Variants in BRIP1 observed in about 807,000 individuals in gnomAD.
The protein encoded by BRIP1 is BRCA1 interacting DNA helicase 1.
Under a neutral mutation model 119.7 loss-of-function variants are expected in BRIP1, and 88 were observed. The observed-to-expected ratio is 0.74, with a 90% confidence interval of 0.62 to 0.88. BRIP1 has a LOEUF of 0.88. Among genes scored for constraint, BRIP1 ranks in the 40% least tolerant of loss-of-function variants. The probability of loss-of-function intolerance (pLI) is 0.00; values close to 1 mark genes in which losing one functional copy is unlikely to be tolerated. For missense variants in BRIP1, 1,259 were observed against 1,455.4 expected (o/e 0.87, Z 2.20); for synonymous variants, 443 against 496.5 (o/e 0.89, Z 1.43).
In BRIP1 at chr17:61,775,255, C is replaced by T. The variant is rs1024408833; in HGVS notation, c.2097+1146G>A. ...AAGAATTTTAAAAAATGTTTATGTC[C>T]GTTTTATTTTTAGATATTCTTGTAA... On this transcript the variant is annotated intron_variant, in intron 14 of 19. Transcript: ENST00000259008. The surrounding 1 kb of genome is among the most constrained non-coding windows in gnomAD (Gnocchi z 4.4). 7.2e-5 allele frequency among the ~76,000 whole-genome samples: 11 copies of T among 151,928 alleles called. No individual in the cohort carries two copies. Among genetic ancestry groups the T allele is most frequent in the African/African-American group, 7.3e-5 (3 of 41,360 alleles).
chr17:61,722,020 C>T lies in BRIP1; in HGVS notation c.2380-5957G>A, dbSNP rs530283372. The stretch of plus-strand genomic sequence containing the variant: ...CTGGGATTACAGGTGTGAGCCACCA[C>T]GCCTAGCCAACTTTGCTTTTTTTTT... On this transcript the variant is annotated intron_variant, in intron 16 of 19. Transcript: ENST00000259008. The surrounding 1 kb of genome is among the most constrained non-coding windows in gnomAD (Gnocchi z 4.6). 6.8e-5 allele frequency among the ~76,000 whole-genome samples: 10 copies of T among 147,776 alleles called. No individual in the cohort carries two copies. The highest frequency in any genetic ancestry group is 4.4e-4 in the South Asian group (2 of 4,580).
At chr17:61,792,607 G>T (rs957246260) in intron 10 of BRIP1, among the ~76,000 whole-genome samples, 1 of 152,168 alleles carries the variant, frequency 6.6e-6, no homozygotes, top group Non-Finnish European at 1.5e-5. Flanking sequence ...TGGCATTCCA[G>T]AAAAGGCAAA....
At chr17:61,830,078 G>A (rs1222921040) in intron 6 of BRIP1, among the ~76,000 whole-genome samples, 2 of 151,746 alleles carry the variant, frequency 1.3e-5, no homozygotes, top group East Asian at 1.9e-4. Flanking sequence ...GATTACAGGC[G>A]CCCACCACCA....
rs997139521 is a variant in BRIP1, at chr17:61,704,856, CT to C, written c.2492+11094del. Among the ~76,000 whole-genome samples, 1 of 151,592 alleles carries C rather than the reference CT, an allele frequency of 6.6e-6. No individual in the cohort carries two copies. Among genetic ancestry groups the C allele is most frequent in the Non-Finnish European group, 1.5e-5 (1 of 67,892 alleles). ...CCTGATATTAGTAACTGTGGCTTCT[CT>C]TTTTTTTCTTTGTTAATTTTGCTAG... On this transcript the variant is annotated intron_variant, in intron 17 of 19. Transcript: ENST00000259008. The surrounding 1 kb of genome is among the most constrained non-coding windows in gnomAD (Gnocchi z 5.7).
chr17:61,728,937 G>C (rs1243591133), intron 16 of BRIP1, among the ~76,000 whole-genome samples: 1 of 152,116 alleles, frequency 6.6e-6, no homozygotes, highest in Non-Finnish European at 1.5e-5. Flanking sequence ...TTTAGATAAA[G>C]ATCTTTTAAA....
At chr17:61,785,928 T>TGG (rs34801622) in intron 10 of BRIP1, among the ~76,000 whole-genome samples, 51 of 151,262 alleles carry the variant, frequency 3.4e-4, no homozygotes, top group South Asian at 1.1e-3. Context: ...GCAGCTGGGT[T>TGG]GGGGGGGGTA....
rs142419826 is a variant in BRIP1, at chr17:61,761,724, C to T, written c.2097+14677G>A. ...TAACCAAGGTGAAGAAAGGCTTGTACGCTGAAATCTATAAAATGTTGATGA... is the reference window on the plus strand; with the variant it reads ...TAACCAAGGTGAAGAAAGGCTTGTATGCTGAAATCTATAAAATGTTGATGA... On this transcript the variant is annotated intron_variant, in intron 14 of 19. Transcript: ENST00000259008. The surrounding 1 kb of genome is among the most constrained non-coding windows in gnomAD (Gnocchi z 6.4). Among the ~76,000 whole-genome samples the T allele has an allele frequency of 3.1e-3, 478 of 151,860 alleles. 5 individuals are homozygous for T. Among genetic ancestry groups the T allele is most frequent in the Non-Finnish European group, 4.4e-3 (298 of 67,898 alleles).
Position 61,752,816 on chromosome 17 carries a change from A to C in BRIP1, c.2098-8225T>G, listed in dbSNP as rs1196401332. Among the ~76,000 whole-genome samples the C allele has an allele frequency of 6.6e-6, 1 of 152,228 alleles. No homozygotes were observed. The highest frequency in any genetic ancestry group is 1.5e-5 in the Non-Finnish European group (1 of 68,036). On this transcript the variant is annotated intron_variant, in intron 14 of 19. Transcript: ENST00000259008. This position sits in a 1 kb window ranked among gnomAD's most constrained non-coding sequence, Gnocchi z 6.2. ...ACAGATTATAAAAATACTTAAAATT[A>C]AAATGAGTAAGATATGGTGTTGGAT... is the stretch of plus-strand genomic sequence containing the variant.
At position 61,861,702 on chromosome 17, in the gene BRIP1, A is replaced by T; in HGVS notation, c.-30-133T>A. 1.5e-6 allele frequency: 1 copy of T among 656,852 alleles called. No homozygotes were observed. Among genetic ancestry groups the T allele is most frequent in the Non-Finnish European group, 2.7e-6 (1 of 369,424 alleles). 40.7% of individuals were successfully genotyped at this position (656,852 alleles called of 1,614,324 possible). On this transcript the variant is annotated intron_variant, in intron 1 of 19. Coordinates refer to ENST00000259008, the MANE Select transcript of BRIP1 (RefSeq NM_032043.3). This position sits in a 1 kb window ranked among gnomAD's most constrained non-coding sequence, Gnocchi z 4.5. ...TATAAACAAAACAAATGGAAACAAA[A>T]TAATTTCCTAGTCTTATAAATCACA... is the stretch of plus-strand genomic sequence containing the variant.
rs73328555 is a variant in BRIP1 at position 61,740,186 on chromosome 17, A to G, written c.2379+2827T>C. 0.01 allele frequency among the ~76,000 whole-genome samples: 1,526 copies of G among 152,216 alleles called. 31 individuals are homozygous for G. The highest frequency in any genetic ancestry group is 0.035 in the African/African-American group (1,454 of 41,520). Reference sequence around the variant, plus strand: ...TGGTCCTGTTGAGCTGAGGTGGAAGAGATCAGAATATGGAGTGACTAAATC... The same window carrying G: ...TGGTCCTGTTGAGCTGAGGTGGAAGGGATCAGAATATGGAGTGACTAAATC... On this transcript the variant is annotated intron_variant, in intron 16 of 19. Coordinates refer to ENST00000259008, the MANE Select transcript of BRIP1 (RefSeq NM_032043.3). The surrounding 1 kb of genome is among the most constrained non-coding windows in gnomAD (Gnocchi z 5.4).
In BRIP1 at chr17:61,816,878, C is replaced by T. The variant is rs1052208613; in HGVS notation, c.628-8121G>A. On this transcript the variant is annotated intron_variant, in intron 6 of 19. Coordinates refer to ENST00000259008, the MANE Select transcript of BRIP1 (RefSeq NM_032043.3). This position sits in a 1 kb window ranked among gnomAD's most constrained non-coding sequence, Gnocchi z 5.0. Reference sequence around the variant, plus strand: ...TAAAATGATAGAATTTTAAAAATCACCATTTTGCAACTTTCCTGTACTAAC... The same window carrying T: ...TAAAATGATAGAATTTTAAAAATCATCATTTTGCAACTTTCCTGTACTAAC... 1.3e-5 allele frequency among the ~76,000 whole-genome samples: 2 copies of T among 152,176 alleles called. No individual in the cohort carries two copies. The highest frequency in any genetic ancestry group is 4.8e-5 in the African/African-American group (2 of 41,446).
At chr17:61,715,507 G>C (rs1183947440) in intron 17 of BRIP1, among the ~76,000 whole-genome samples, 1 of 152,078 alleles carries the variant, frequency 6.6e-6, no homozygotes, top group African/African-American at 2.4e-5. Context: ...ATTCCGTACT[G>C]AAAGTACACT....
At chr17:61,858,186 A>T (rs2078924521) in intron 3 of BRIP1, among the ~76,000 whole-genome samples, 1 of 152,116 alleles carries the variant, frequency 6.6e-6, no homozygotes, top group East Asian at 1.9e-4. Flanking sequence ...CAAAAAAGCT[A>T]AATAATTTAT....
In BRIP1 at chr17:61,720,686, T is replaced by G. The variant is rs2144456595; in HGVS notation, c.2380-4623A>C. 6.6e-6 allele frequency among the ~76,000 whole-genome samples: 1 copy of G among 152,326 alleles called. No homozygotes were observed. The highest frequency in any genetic ancestry group is 2.4e-5 in the African/African-American group (1 of 41,574). On this transcript the variant is annotated intron_variant, in intron 16 of 19. Coordinates refer to ENST00000259008, the MANE Select transcript of BRIP1 (RefSeq NM_032043.3). This position sits in a 1 kb window ranked among gnomAD's most constrained non-coding sequence, Gnocchi z 4.3. Reference sequence around the variant, plus strand: ...TGCTGTACATACTACCCACCAGCAGTTAGTAGTTACTTAGTAGCTGTCTAG... The same window carrying G: ...TGCTGTACATACTACCCACCAGCAGGTAGTAGTTACTTAGTAGCTGTCTAG...
rs1259768104 is a variant in BRIP1 at position 61,744,241 on chromosome 17, T to C, written c.2257+191A>G. ...TTTTCTTAAAGTTGAATCAGCATAC[T>C]CAAGTGAAAATATTCATAGGAGAAC... On this transcript the variant is annotated intron_variant, in intron 15 of 19. Transcript: ENST00000259008. The surrounding 1 kb of genome is among the most constrained non-coding windows in gnomAD (Gnocchi z 5.0). Among the ~76,000 whole-genome samples, 1 of 152,156 alleles carries C rather than the reference T, an allele frequency of 6.6e-6. No individual in the cohort carries two copies. The highest frequency in any genetic ancestry group is 2.4e-5 in the African/African-American group (1 of 41,438).
rs1038131694 is a variant in BRIP1, at chr17:61,861,893, TATGATAAAGTACATACCAGATTAAAC to T, written c.-30-350_-30-325del. The T allele has an allele frequency of 2.8e-5, 10 of 363,630 alleles. No individual in the cohort carries two copies. The Admixed American group carries it at 2.9e-4, about 10-fold the overall frequency. 22.5% of individuals were successfully genotyped at this position (363,630 alleles called of 1,614,324 possible). A position where few individuals can be genotyped will look rare whatever the true frequency, so the allele number is the denominator to read the frequency against. On this transcript the variant is annotated intron_variant, in intron 1 of 19. Transcript: ENST00000259008. This position sits in a 1 kb window ranked among gnomAD's most constrained non-coding sequence, Gnocchi z 4.5. ...ATGATTAAGTGAAATAATGTGCAAA[TATGATAAAGTACATACCAGATTAAAC>T]ATGAGCTCTTGTAACAGTTAGATCA...
chr17:61,824,106 T>C lies in BRIP1; in HGVS notation c.628-15349A>G, dbSNP rs1185128771. Among the ~76,000 whole-genome samples, 2 of 152,150 alleles carry C rather than the reference T, an allele frequency of 1.3e-5. No individual in the cohort carries two copies. The highest frequency in any genetic ancestry group is 2.9e-5 in the Non-Finnish European group (2 of 68,020). On this transcript the variant is annotated intron_variant, in intron 6 of 19. Coordinates refer to ENST00000259008, the MANE Select transcript of BRIP1 (RefSeq NM_032043.3). This position sits in a 1 kb window ranked among gnomAD's most constrained non-coding sequence, Gnocchi z 4.3. ...CTGGGATTACAGGCATGAGCCACCA[T>C]GCCCGGCCTAAGATAGAATTTTTAA...
At chr17:61,820,734 GA>G (rs1162372115) in intron 6 of BRIP1, among the ~76,000 whole-genome samples, 1 of 152,134 alleles carries the variant, frequency 6.6e-6, no homozygotes, top group Non-Finnish European at 1.5e-5. Flanking sequence ...TGGATCACTT[GA>G]GGTCAGGAGT....
At chr17:61,723,095 GT>G (rs2062009230) in intron 16 of BRIP1, among the ~76,000 whole-genome samples, 2 of 152,110 alleles carry the variant, frequency 1.3e-5, no homozygotes, top group Admixed American at 1.3e-4. Context: ...AAAACTAAGG[GT>G]TAAGAAAAGG....
Sources: allele counts gnomAD v4.1 joint callset (sites outside exome capture counted in the v4.1 genomes callset), GRCh38; gene constraint gnomAD v4.1.1; non-coding constraint Gnocchi (gnomAD v3.1); transcripts MANE v1.5; gene names NCBI Gene and HGNC (gene_info 2026-07-23, HGNC 2026-07-21).